AKR1B1: variants seen among roughly 807,000 people sequenced by gnomAD.
AKR1B1 encodes the protein aldo-keto reductase family 1 member B1.
AKR1B1 carries 22 observed loss-of-function variants against 40.4 expected under a neutral mutation model. The ratio of observed to expected loss-of-function variants is 0.54; its 90% CI spans 0.39 to 0.78. The LOEUF is 0.78. Among genes scored for constraint, AKR1B1 ranks in the 30% least tolerant of loss-of-function variants. The pLI is 0.00. For missense variants in AKR1B1, 357 were observed against 396.7 expected (o/e 0.90, Z 0.85); for synonymous variants, 157 against 149.9 (o/e 1.05, Z -0.35).
At chr7:134,458,315 G>A (rs561746841) in intron 1 of AKR1B1, among the ~76,000 whole-genome samples, 1 of 152,258 alleles carries the variant, frequency 6.6e-6, no homozygotes, top group South Asian at 2.1e-4. Context: ...TTATCAACTA[G>A]CTACGGGGTG....
intron 2 of AKR1B1, 35 bp downstream of exon 2, chr7:134,451,551 C>A: frequency 6.2e-7 from 1 of 1,612,076 alleles, no homozygotes; most frequent in Non-Finnish European, 8.5e-7. Context: ...ATGATGGGAC[C>A]GAGAGCCCCT....
intron 4 of AKR1B1, 114 bp from the exon 5 acceptor site, chr7:134,449,233 T>G (rs184881277): frequency 3.5e-6 from 5 of 1,438,950 alleles, no homozygotes; most frequent in East Asian, 2.3e-5. Flanking sequence ...GCCAGTGAAT[T>G]AGACCTTTCA....
At chr7:134,450,703 C>T (rs916884052) in intron 3 of AKR1B1, 83 bp downstream of exon 3, 38 of 1,029,856 alleles carry the variant, frequency 3.7e-5, no homozygotes, top group African/African-American at 4.7e-5. Flanking sequence ...GTCACCCACA[C>T]GTAATCTGCT....
chr7:134,458,632 A>G (rs1421752917), intron 1 of AKR1B1, among the ~76,000 whole-genome samples: 1 of 152,120 alleles, frequency 6.6e-6, no homozygotes, highest in African/African-American at 2.4e-5. Context: ...CGGTCTGTGA[A>G]GCCCACTTTC....
upstream of AKR1B1, chr7:134,459,143 G>T (rs1023536712): frequency 5.4e-6 from 8 of 1,494,540 alleles, no homozygotes; most frequent in African/African-American, 5.6e-5. Flanking sequence ...CCGTGAGGTC[G>T]GCAGAAAGGG....
chr7:134,449,132 G>A lies in AKR1B1; in HGVS notation c.430-13C>T. The A allele has an allele frequency of 6.2e-7, 1 of 1,613,066 alleles. No individual in the cohort carries two copies. Among genetic ancestry groups the A allele is most frequent in the South Asian group, 1.1e-5 (1 of 91,032 alleles). On this transcript the variant is annotated splice_polypyrimidine_tract_variant and intron_variant, in intron 4 of 9. Coordinates refer to ENST00000285930, the MANE Select transcript of AKR1B1 (RefSeq NM_001628.4). ...GCTCTTCCATGGCCTACAGAGAAAA[G>A]TGTCTGTGTGGTGCAGAAACGAACC...
At chr7:134,452,344 G>C (rs765685424) in intron 1 of AKR1B1, among the ~76,000 whole-genome samples, 32 of 152,200 alleles carry the variant, frequency 2.1e-4, no homozygotes, top group Non-Finnish European at 4.3e-4. Context: ...CACTGTATGA[G>C]GATCTGCTTC....
chr7:134,447,597 C>T (rs1039280881), intron 7 of AKR1B1: 43 of 649,212 alleles, frequency 6.6e-5, no homozygotes, highest in Middle Eastern at 2.5e-4. Context: ...CTGTGCCACA[C>T]GCTTCAGTGT....
At chr7:134,450,564 C>T (rs1054274968) in intron 3 of AKR1B1, among the ~76,000 whole-genome samples, 11 of 152,190 alleles carry the variant, frequency 7.2e-5, no homozygotes, top group Admixed American at 3.9e-4. Flanking sequence ...AAGAAGTGTG[C>T]GTATGAGTCA....
At chr7:134,452,246 C>A (rs1227882647) in intron 1 of AKR1B1, among the ~76,000 whole-genome samples, 5 of 152,166 alleles carry the variant, frequency 3.3e-5, no homozygotes, top group African/African-American at 1.2e-4. Context: ...CTGATACCGG[C>A]AGTCGCTTGT....
In AKR1B1 at chr7:134,449,089, C is replaced by A. The variant is rs1312968929; in HGVS notation, c.460G>T (p.Val154Leu). ...AMEELVDEGLVKAIGISNFNH... is the reference protein window; with the variant it reads ...AMEELVDEGLLKAIGISNFNH... ...AAGTTGGAGATGCCAATAGCTTTCACCAGCCCTTCATCCACCAGCTCTTCC... is the reference window on the plus strand; with the variant it reads ...AAGTTGGAGATGCCAATAGCTTTCAACAGCCCTTCATCCACCAGCTCTTCC... Residue 154 changes from valine (V) to leucine (L), a missense_variant, in exon 5 of 10, where the codon GTG (valine) becomes TTG (leucine). Transcript: ENST00000285930. 3 of 1,613,866 alleles carry A rather than the reference C, an allele frequency of 1.9e-6. No homozygotes were observed. The highest frequency in any genetic ancestry group is 2.5e-6 in the Non-Finnish European group (3 of 1,180,014).
At chr7:134,443,181 G>A (rs777278891) in intron 9 of AKR1B1, among the ~76,000 whole-genome samples, 79 of 152,230 alleles carry the variant, frequency 5.2e-4, no homozygotes, top group Non-Finnish European at 9.4e-4. Context: ...AGGCTGAAGC[G>A]AGAGGATCAC....
Position 134,451,634 on chromosome 7 carries a change from C to T in AKR1B1, c.186G>A (p.Lys62=). The change falls in exon 2 of 10, where the codon AAG becomes AAA. Residue 62 remains lysine, a synonymous_variant. Coordinates refer to ENST00000285930, the MANE Select transcript of AKR1B1 (RefSeq NM_001628.4). The stretch of plus-strand genomic sequence containing the variant: ...CACGCTTCACCACCTGCTCCCTGAG[C>T]TTCTCCTGAATGGCCACCCCCACCT... The part of the protein sequence containing the change: ...ENEVGVAIQE[K]LREQVVKREE... 1 of 1,614,218 alleles carries T rather than the reference C, an allele frequency of 6.2e-7. No homozygotes were observed. The highest frequency in any genetic ancestry group is 8.5e-7 in the Non-Finnish European group (1 of 1,180,034).
At chr7:134,452,953 C>T (rs3896278) in intron 1 of AKR1B1, among the ~76,000 whole-genome samples, 50,581 of 151,984 alleles carry the variant, frequency 0.33, 8,993 homozygotes, top group Non-Finnish European at 0.41. Flanking sequence ...CCTCAGAGGA[C>T]CTGGCGACCT....
At chr7:134,458,914 G>A in intron 1 of AKR1B1, 83 bp downstream of exon 1, 4 of 1,465,026 alleles carry the variant, frequency 2.7e-6, no homozygotes, top group Non-Finnish European at 3.7e-6. Flanking sequence ...GAGCTGCTCA[G>A]GGTCACTCGG....
intron 9 of AKR1B1, among the ~76,000 whole-genome samples, chr7:134,443,439 T>C (rs1805999605): frequency 1.3e-5 from 2 of 150,862 alleles, no homozygotes; most frequent in Non-Finnish European, 2.9e-5. Flanking sequence ...GTTAAAAGTC[T>C]GTATGTGACT....
intron 9 of AKR1B1, 74 bp downstream of exon 9, chr7:134,445,164 G>T: frequency 7.5e-7 from 1 of 1,332,940 alleles, no homozygotes; most frequent in Non-Finnish European, 1.1e-6. Flanking sequence ...GCTGAGGCCT[G>T]CAGGGATCAC....
chr7:134,453,143 A>C (rs1806343362), intron 1 of AKR1B1, among the ~76,000 whole-genome samples: 1 of 152,164 alleles, frequency 6.6e-6, no homozygotes, highest in African/African-American at 2.4e-5. Flanking sequence ...CCCCAGAAAG[A>C]ACAACTGGGG....
intron 4 of AKR1B1, 185 bp from the exon 5 acceptor site, chr7:134,449,304 A>T (rs1406836298): frequency 1.2e-6 from 1 of 834,236 alleles, no homozygotes; most frequent in South Asian, 1.5e-5. Context: ...AAGAGCAAAC[A>T]GGCCGGGCGC....
Sources: allele counts gnomAD v4.1 joint callset (sites outside exome capture counted in the v4.1 genomes callset), GRCh38; gene constraint gnomAD v4.1.1; transcripts MANE v1.5; gene names NCBI Gene and HGNC (gene_info 2026-07-23, HGNC 2026-07-21).